SLC8A3: variants seen among roughly 807,000 people sequenced by gnomAD.
SLC8A3 encodes the protein sodium/calcium exchanger 3.
In SLC8A3, 37 loss-of-function variants were observed where a neutral mutation model predicts 65.4. The ratio of observed to expected loss-of-function variants is 0.57; its 90% CI spans 0.44 to 0.74. The LOEUF (loss-of-function observed/expected upper bound fraction) is 0.74, where lower values mean the gene tolerates loss of function less well. Ranked by LOEUF, SLC8A3 falls within the 30% of genes least tolerant of loss-of-function variation. SLC8A3 has a pLI of 0.00. For synonymous variants in SLC8A3, 461 were observed against 444.5 expected (o/e 1.04, Z -0.47); for missense variants, 1,112 against 1,172.1 (o/e 0.95, Z 0.75).
At chr14:70,133,069 C>A (rs1894955926) in intron 2 of SLC8A3, among the ~76,000 whole-genome samples, 1 of 147,060 alleles carries the variant, frequency 6.8e-6, no homozygotes, top group Non-Finnish European at 1.5e-5. Context: ...CCAGCTGCAG[C>A]CCCTGAGACC....
At chr14:70,101,976 G>T (rs546022791) in intron 2 of SLC8A3, among the ~76,000 whole-genome samples, 1 of 152,190 alleles carries the variant, frequency 6.6e-6, no homozygotes, top group African/African-American at 2.4e-5. Flanking sequence ...TATACTTGAC[G>T]TTTAGCTTCC....
rs563749105 is a variant in SLC8A3, at chr14:70,137,433, G to A, written c.1784+29206C>T. ...GCTGGGATTACAGGTGTGAGCCACC[G>A]TGCCAAGCCTATCAAATTTTTATAA... On this transcript the variant is annotated intron_variant, in intron 2 of 6. Transcript: ENST00000356921. 1.2e-4 allele frequency among the ~76,000 whole-genome samples: 18 copies of A among 152,232 alleles called. 1 individual carries two copies. The South Asian group carries it at 3.1e-3, about 26-fold the overall frequency.
Position 70,060,861 on chromosome 14 carries a change from C to T in SLC8A3, c.1863G>A (p.Pro621=), listed in dbSNP as rs376675749. Residue 621 remains proline, a synonymous_variant, in exon 3 of 7, where the codon CCG becomes CCA. Transcript: ENST00000356921. ...QENFFIALGE[P]KWMERGISDV... Reference sequence around the variant, plus strand: ...CTGATATTCCACGTTCCATCCATTTCGGTTCACCAAGGGCAATGAAGAAAT... The same window carrying T: ...CTGATATTCCACGTTCCATCCATTTTGGTTCACCAAGGGCAATGAAGAAAT... 2.6e-5 allele frequency: 39 copies of T among 1,519,412 alleles called. No homozygotes were observed. Among genetic ancestry groups the T allele is most frequent in the African/African-American group, 2.4e-4 (17 of 71,606 alleles). The allele number at this position is 1,519,412 out of a possible 1,614,324, so 94.1% of individuals were successfully genotyped here.
rs1442365536 is a variant in SLC8A3, at chr14:70,062,343, T to TA, written c.1785-1405dup. ...TTTACAAGTACAGTCACATGCTACATAAAAACGTTTTGCTCAATGACAGAC... is the reference window on the plus strand; with the variant it reads ...TTTACAAGTACAGTCACATGCTACATAAAAAACGTTTTGCTCAATGACAGAC... On this transcript the variant is annotated intron_variant, in intron 2 of 6. Coordinates refer to ENST00000356921, the MANE Select transcript of SLC8A3 (RefSeq NM_182932.3). Among the ~76,000 whole-genome samples the TA allele has an allele frequency of 2.6e-5, 4 of 152,188 alleles. No individual in the cohort carries two copies. The South Asian group carries it at 8.3e-4, about 32-fold the overall frequency.
rs369013046 is a variant in SLC8A3, at chr14:70,068,143, G to A, written c.1785-7204C>T. Among the ~76,000 whole-genome samples the A allele has an allele frequency of 1.8e-3, 274 of 152,272 alleles. 9 individuals are homozygous for A. In the South Asian group the frequency reaches 0.055, roughly 31 times the overall value. On this transcript the variant is annotated intron_variant, in intron 2 of 6. Coordinates refer to ENST00000356921, the MANE Select transcript of SLC8A3 (RefSeq NM_182932.3). Reference sequence around the variant, plus strand: ...GCCTTTTGAAATAGTCCTTTGCATCGAGGACATTCAAATCAGGCCTCTGAT... The same window carrying A: ...GCCTTTTGAAATAGTCCTTTGCATCAAGGACATTCAAATCAGGCCTCTGAT...
chr14:70,177,733 C>A (rs542520291), intron 1 of SLC8A3, among the ~76,000 whole-genome samples: 82 of 152,278 alleles, frequency 5.4e-4, no homozygotes, highest in Admixed American at 1.6e-3. Flanking sequence ...GCCTTGTGTG[C>A]CTGGCCAAGG....
rs1886854727 is a variant in SLC8A3, at chr14:70,046,906, C to T, written c.2390-583G>A. On this transcript the variant is annotated intron_variant, in intron 6 of 6. Transcript: ENST00000356921. The surrounding 1 kb of genome is among the most constrained non-coding windows in gnomAD (Gnocchi z 4.2). ...TTTATATATGTATCACAGGGCCTTGCAGGGTGTTTGACTTTAGATCTTGGC... is the reference window on the plus strand; with the variant it reads ...TTTATATATGTATCACAGGGCCTTGTAGGGTGTTTGACTTTAGATCTTGGC... 6.6e-6 allele frequency: 1 copy of T among 152,412 alleles called. No individual in the cohort carries two copies. The highest frequency in any genetic ancestry group is 6.5e-5 in the Admixed American group (1 of 15,330). 9.4% of individuals were successfully genotyped at this position (152,412 alleles called of 1,614,324 possible).
At position 70,167,076 on chromosome 14, in the gene SLC8A3, T is replaced by C. The variant is rs1897213158; in HGVS notation, c.1347A>G (p.Thr449=). Residue 449 remains threonine (T), a synonymous_variant, in exon 2 of 7, where the codon ACA becomes ACG. Transcript: ENST00000356921. ...CTGGCTTCAGAACCACCGTGCCCTC[T>C]GTGAACTCATAGTCAGCCCCTGCAT... ...SANAGADYEF[T]EGTVVLKPGE... 1 of 1,613,976 alleles carries C rather than the reference T, an allele frequency of 6.2e-7. No homozygotes were observed. Among genetic ancestry groups the C allele is most frequent in the South Asian group, 1.1e-5 (1 of 91,086 alleles).
rs191914235 is a variant in SLC8A3 at position 70,173,666 on chromosome 14, T to A, written c.-62-5182A>T. 1.9e-3 allele frequency among the ~76,000 whole-genome samples: 282 copies of A among 152,282 alleles called. 3 individuals are homozygous for A. The highest frequency in any genetic ancestry group is 6.4e-3 in the African/African-American group (264 of 41,562). On this transcript the variant is annotated intron_variant, in intron 1 of 6. Transcript: ENST00000356921. ...CACTCTGCTTCTAAATCTGGGCCCC[T>A]GCACAGGTGTCATAGCCAATTTACA...
intron 2 of SLC8A3, among the ~76,000 whole-genome samples, chr14:70,149,490 C>G (rs1214172607): frequency 6.6e-6 from 1 of 152,146 alleles, no homozygotes; most frequent in Non-Finnish European, 1.5e-5. Flanking sequence ...TATGGTTCCA[C>G]TCTGAAGCTG....
intron 5 of SLC8A3, among the ~76,000 whole-genome samples, chr14:70,049,537 G>C (rs1047876076): frequency 6.6e-6 from 1 of 151,966 alleles, no homozygotes; most frequent in African/African-American, 2.4e-5. Context: ...TGTAGATGAC[G>C]GGTTGATGGG....
intron 2 of SLC8A3, among the ~76,000 whole-genome samples, chr14:70,158,414 G>T (rs1896702321): frequency 6.6e-6 from 1 of 152,228 alleles, no homozygotes; most frequent in African/African-American, 2.4e-5. Flanking sequence ...CAGCCTGGCA[G>T]AAGATGGACT....
chr14:70,078,068 A>G (rs1275960326), intron 2 of SLC8A3, among the ~76,000 whole-genome samples: 1 of 152,254 alleles, frequency 6.6e-6, no homozygotes, highest in Non-Finnish European at 1.5e-5. Flanking sequence ...TCCCTTGGTT[A>G]AAAACATGTT....
At chr14:70,139,895 C>A (rs1895453236) in intron 2 of SLC8A3, among the ~76,000 whole-genome samples, 1 of 152,102 alleles carries the variant, frequency 6.6e-6, no homozygotes, top group Non-Finnish European at 1.5e-5. Context: ...GTGTGACAAC[C>A]CCAGGCATCT....
intron 2 of SLC8A3, among the ~76,000 whole-genome samples, chr14:70,123,041 C>T (rs1429401436): frequency 7.1e-6 from 1 of 140,928 alleles, no homozygotes; most frequent in East Asian, 2.0e-4. Flanking sequence ...CACTGCACTC[C>T]AGCCTGGGGC....
At chr14:70,165,019 G>T (rs1299815932) in intron 2 of SLC8A3, among the ~76,000 whole-genome samples, 1 of 152,158 alleles carries the variant, frequency 6.6e-6, no homozygotes, top group Non-Finnish European at 1.5e-5. Context: ...TTTCCCTTCA[G>T]GAGACAATAT....
intron 2 of SLC8A3, among the ~76,000 whole-genome samples, chr14:70,131,107 A>T (rs1001562848): frequency 3.3e-5 from 5 of 152,208 alleles, no homozygotes; most frequent in African/African-American, 4.8e-5. Context: ...ATGCAGAATG[A>T]AAACAGTCAG....
Position 70,051,900 on chromosome 14 carries a change from C to T in SLC8A3, c.2013+90G>A, listed in dbSNP as rs1037299975. ...TTGTTCAGTTTCAACTTCACATATTCACTAGTGAAAGTGGAAAAAAACACC... is the reference window on the plus strand; with the variant it reads ...TTGTTCAGTTTCAACTTCACATATTTACTAGTGAAAGTGGAAAAAAACACC... On this transcript the variant is annotated intron_variant, in intron 4 of 6. Transcript: ENST00000356921. The T allele has an allele frequency of 1.4e-5, 15 of 1,049,166 alleles. No homozygotes were observed. In the African/African-American group the frequency reaches 2.1e-4, roughly 14 times the overall value. The allele number at this position is 1,049,166 out of a possible 1,614,324, so 65.0% of individuals were successfully genotyped here.
intron 2 of SLC8A3, among the ~76,000 whole-genome samples, chr14:70,133,118 C>A (rs1894960191): frequency 6.7e-6 from 1 of 148,406 alleles, no homozygotes; most frequent in Non-Finnish European, 1.5e-5. Flanking sequence ...TAAAGGAGTA[C>A]TTCCTTCCCC....
Sources: allele counts gnomAD v4.1 joint callset (sites outside exome capture counted in the v4.1 genomes callset), GRCh38; gene constraint gnomAD v4.1.1; non-coding constraint Gnocchi (gnomAD v3.1); transcripts MANE v1.5; gene names NCBI Gene and HGNC (gene_info 2026-07-23, HGNC 2026-07-21).